The following PCDHA10 variants were observed in gnomAD, a reference collection of about 807,000 sequenced individuals.
PCDHA10 encodes protocadherin alpha-10.
A neutral mutation model predicts 61.2 loss-of-function variants in PCDHA10; 45 were observed. That is an observed-to-expected ratio of 0.74 (90% confidence interval 0.58 to 0.94). The LOEUF (loss-of-function observed/expected upper bound fraction) is 0.94. Among genes scored for constraint, PCDHA10 ranks in the 40% least tolerant of loss-of-function variants. PCDHA10 has a pLI of 0.00. For synonymous variants in PCDHA10, 602 were observed against 548.8 expected (o/e 1.10, Z -1.35); for missense variants, 1,278 against 1,236.2 (o/e 1.03, Z -0.51).
chr5:140,867,125 A>G (rs781885950), intron 1 of PCDHA10: 1 of 152,144 alleles, frequency 6.6e-6, no homozygotes, highest in Non-Finnish European at 1.5e-5. Flanking sequence ...TTTTAATTCA[A>G]ATATGTGATA....
At position 141,010,210 on chromosome 5, in the gene PCDHA10, G is replaced by A. The variant is rs2098416466; in HGVS notation, c.*273G>A. ...AGTTTCCTTTCTCCTCCGCCGCAAA[G>A]GAGAGGCTTCCCAGCCCCGCCAGTG... On this transcript the variant is annotated 3_prime_UTR_variant, in exon 4 of 4. Transcript: ENST00000307360. 4 of 1,551,736 alleles carry A rather than the reference G, an allele frequency of 2.6e-6. No homozygotes were observed. Among genetic ancestry groups the A allele is most frequent in the African/African-American group, 1.4e-5 (1 of 73,050 alleles).
At chr5:140,876,963 G>T in intron 1 of PCDHA10, 4 of 1,613,068 alleles carry the variant, frequency 2.5e-6, no homozygotes, top group Non-Finnish European at 2.5e-6. Context: ...TGGTGGAGCG[G>T]CGGGTGGGCG....
intron 1 of PCDHA10, among the ~76,000 whole-genome samples, chr5:140,915,190 G>T (rs1317793585): frequency 1.3e-5 from 2 of 151,978 alleles, no homozygotes; most frequent in African/African-American, 4.8e-5. Flanking sequence ...CTAGTGATCC[G>T]CCCATCTTGG....
At chr5:140,877,864 A>ATATT in intron 1 of PCDHA10, 1 of 1,500,280 alleles carries the variant, frequency 6.7e-7, no homozygotes, top group East Asian at 2.4e-5. Flanking sequence ...TTATTTAGAT[A>ATATT]TATTTGTTTC....
chr5:140,881,383 G>T (rs2058695337), intron 1 of PCDHA10: 1 of 984,212 alleles, frequency 1.0e-6, no homozygotes, highest in Non-Finnish European at 1.2e-6. Context: ...AGCCGGCGGC[G>T]GTAAGTTAAA....
chr5:140,900,309 C>T (rs1183008231), intron 1 of PCDHA10, among the ~76,000 whole-genome samples: 1 of 151,686 alleles, frequency 6.6e-6, no homozygotes, highest in Non-Finnish European at 1.5e-5. Context: ...GACAGTCTCA[C>T]TTTTGTCGCC....
rs1231696084 is a variant in PCDHA10 at position 140,858,276 on chromosome 5, T to C, written c.2228T>C (p.Val743Ala). The C allele has an allele frequency of 3.1e-6, 5 of 1,594,740 alleles. No individual in the cohort carries two copies. The highest frequency in any genetic ancestry group is 4.3e-6 in the Non-Finnish European group (5 of 1,166,444). Residue 743 changes from valine to alanine, a missense_variant, in exon 1 of 4, where the codon GTG (valine) becomes GCG (alanine). Physicochemically the swap from Val to Ala is moderately conservative, Grantham distance 64. Coordinates refer to ENST00000307360, the MANE Select transcript of PCDHA10 (RefSeq NM_018901.4). Reference protein sequence around the residue: ...VKPTLVCSSAVGSWSYSQQRR... With the variant: ...VKPTLVCSSAAGSWSYSQQRR... ...CCCACGCTGGTGTGCTCTAGCGCGGTGGGGAGCTGGTCTTACTCGCAGCAG... is the reference window on the plus strand; with the variant it reads ...CCCACGCTGGTGTGCTCTAGCGCGGCGGGGAGCTGGTCTTACTCGCAGCAG...
chr5:140,961,982 C>T (rs1367678374), intron 1 of PCDHA10, among the ~76,000 whole-genome samples: 2 of 151,650 alleles, frequency 1.3e-5, no homozygotes, highest in African/African-American at 4.9e-5. Context: ...CTCCTGGGTT[C>T]ACGCCATTGT....
At chr5:140,989,657 A>G (rs1045043697) in intron 3 of PCDHA10, among the ~76,000 whole-genome samples, 7 of 152,228 alleles carry the variant, frequency 4.6e-5, no homozygotes, top group African/African-American at 1.7e-4. Flanking sequence ...CAATATTTTA[A>G]AAGAAACTCT....
intron 1 of PCDHA10, chr5:140,966,544 G>C: frequency 2.1e-6 from 1 of 465,718 alleles, no homozygotes; most frequent in Non-Finnish European, 3.7e-6. Flanking sequence ...GCGACTCGGA[G>C]GCGAGCGGAG....
chr5:141,000,395 C>CTCTATA (rs1213762225), intron 3 of PCDHA10, among the ~76,000 whole-genome samples: 3 of 53,980 alleles, frequency 5.6e-5, no homozygotes, highest in East Asian at 6.1e-4. Flanking sequence ...CTCTCTCTCT[C>CTCTATA]TATATATATA....
At chr5:140,975,160 T>G (rs2096656216) in intron 1 of PCDHA10, among the ~76,000 whole-genome samples, 1 of 152,194 alleles carries the variant, frequency 6.6e-6, no homozygotes, top group African/African-American at 2.4e-5. Flanking sequence ...CCTAGAGAAC[T>G]GAGGACTCAG....
At chr5:140,876,101 T>C (rs2056113076) in intron 1 of PCDHA10, 1 of 1,613,984 alleles carries the variant, frequency 6.2e-7, no homozygotes, top group East Asian at 2.2e-5. Flanking sequence ...AAACTCAATT[T>C]ATTGCTGATG....
intron 1 of PCDHA10, among the ~76,000 whole-genome samples, chr5:140,906,614 TTTG>T (rs1448753363): frequency 6.6e-6 from 1 of 152,208 alleles, no homozygotes; most frequent in Non-Finnish European, 1.5e-5. Flanking sequence ...CTGTATTCCC[TTTG>T]CCTTCAGCAA....
At chr5:141,006,704 A>G (rs2098283751) in intron 3 of PCDHA10, among the ~76,000 whole-genome samples, 1 of 152,128 alleles carries the variant, frequency 6.6e-6, no homozygotes, top group Non-Finnish European at 1.5e-5. Context: ...GAGTCAAGAT[A>G]TATTTAGGAG....
intron 3 of PCDHA10, among the ~76,000 whole-genome samples, chr5:140,997,565 A>G (rs552009994): frequency 6.6e-6 from 1 of 152,292 alleles, no homozygotes; most frequent in South Asian, 2.1e-4. Flanking sequence ...CAACTGTCAT[A>G]TGTGTGGTCC....
At chr5:140,930,420 A>T (rs996872425) in intron 1 of PCDHA10, 2 of 151,962 alleles carry the variant, frequency 1.3e-5, no homozygotes, top group Non-Finnish European at 2.9e-5. Context: ...CAGGGGTCTC[A>T]CTATGTTGCC....
At chr5:140,938,727 G>GA (rs2092176789) in intron 1 of PCDHA10, among the ~76,000 whole-genome samples, 1 of 151,904 alleles carries the variant, frequency 6.6e-6, no homozygotes, top group South Asian at 2.1e-4. Flanking sequence ...CGTTTCTACA[G>GA]AAAAAAATAA....
At chr5:140,968,845 G>A in intron 1 of PCDHA10, 1 of 1,614,176 alleles carries the variant, frequency 6.2e-7, no homozygotes. Flanking sequence ...ACACTCAGAG[G>A]CATGTTAAGA....
Sources: allele counts gnomAD v4.1 joint callset (sites outside exome capture counted in the v4.1 genomes callset), GRCh38; gene constraint gnomAD v4.1.1; transcripts MANE v1.5; gene names NCBI Gene and HGNC (gene_info 2026-07-23, HGNC 2026-07-21).